SDR42E2: variants seen among roughly 807,000 people sequenced by gnomAD.
SDR42E2 encodes the protein short chain dehydrogenase/reductase family 42E, member 2, also known as putative short-chain dehydrogenase/reductase family 42E member 2.
A neutral mutation model predicts 10.5 loss-of-function variants in SDR42E2; 20 were observed. That is an observed-to-expected ratio of 1.90 (90% CI 1.34 to 2.77). The LOEUF is 2.77. Ranked by LOEUF, SDR42E2 falls within the 30% of genes most tolerant of loss-of-function variation. The pLI, the probability that SDR42E2 is intolerant of heterozygous loss-of-function variation, is 0.00. For missense variants in SDR42E2, 162 were observed against 104.2 expected, an observed-to-expected ratio of 1.55 and a Z score of -2.42; for synonymous variants, 72 against 39.2, an observed-to-expected ratio of 1.84 and a Z score of -3.12.
At chr16:22,175,375 A>G (rs1194513864) in intron 7 of SDR42E2, among the ~76,000 whole-genome samples, 2 of 151,988 alleles carry the variant, frequency 1.3e-5, no homozygotes, top group Non-Finnish European at 2.9e-5. Context: ...TGGGAGGATC[A>G]CCTGAGCCCA....
At chr16:22,189,911 G>A (rs1330483574) in intron 12 of SDR42E2, among the ~76,000 whole-genome samples, 3 of 152,168 alleles carry the variant, frequency 2.0e-5, no homozygotes, top group Admixed American at 6.5e-5. Context: ...GGCTGGAGGG[G>A]GCGACGCAAA....
At chr16:22,189,954 G>T (rs894817679) in intron 12 of SDR42E2, among the ~76,000 whole-genome samples, 185 bp from the exon 13 acceptor site, 1 of 152,202 alleles carries the variant, frequency 6.6e-6, no homozygotes, top group Non-Finnish European at 1.5e-5. Context: ...GAACATGTAA[G>T]GAAGAAAGGA....
rs1270807978 is a variant in SDR42E2, at chr16:22,191,431, A to T, written c.*1038A>T. ...CAGGCTGCCGCGTCGCTATGGGCTA[A>T]CGCAGGCTCGGGTGACGTTGGTATG... On this transcript the variant is annotated 3_prime_UTR_variant, in exon 13 of 13. Coordinates refer to ENST00000602312, the MANE Select transcript of SDR42E2 (RefSeq NM_001394319.2). The T allele has an allele frequency of 6.6e-6, 1 of 152,392 alleles. No homozygotes were observed. The highest frequency in any genetic ancestry group is 1.9e-4 in the East Asian group (1 of 5,196). 9.4% of individuals were successfully genotyped at this position (152,392 alleles called of 1,614,324 possible). A position where few individuals can be genotyped will look rare whatever the true frequency, so the allele number is the denominator to read the frequency against.
intron 10 of SDR42E2, among the ~76,000 whole-genome samples, chr16:22,182,879 C>T (rs1425283345): frequency 1.3e-5 from 2 of 152,038 alleles, no homozygotes; most frequent in African/African-American, 4.8e-5. Flanking sequence ...TGTTGGCACA[C>T]CTGTGGTCCC....
At chr16:22,172,080 C>G (rs369531786) in intron 6 of SDR42E2, among the ~76,000 whole-genome samples, 176 bp from the exon 7 acceptor site, 14 of 152,280 alleles carry the variant, frequency 9.2e-5, no homozygotes, top group African/African-American at 3.4e-4. Context: ...TCCTGTGGCT[C>G]TGGAAGGAGA....
At chr16:22,172,608 C>T (rs2046611136) in intron 7 of SDR42E2, among the ~76,000 whole-genome samples, 1 of 152,194 alleles carries the variant, frequency 6.6e-6, no homozygotes, top group Non-Finnish European at 1.5e-5. Context: ...ACCCAAGTCT[C>T]TCTCTTTTCT....
intron 1 of SDR42E2, among the ~76,000 whole-genome samples, chr16:22,164,028 T>C (rs1015519599): frequency 2.3e-5 from 3 of 132,140 alleles, no homozygotes; most frequent in African/African-American, 8.6e-5. Flanking sequence ...CACCTAGCCC[T>C]GGTCATCCAG....
At chr16:22,170,743 C>T (rs542434520) in intron 5 of SDR42E2, 90 bp from the exon 6 acceptor site, 21 of 690,922 alleles carry the variant, frequency 3.0e-5, no homozygotes, top group East Asian at 1.1e-4. Context: ...CCTCCTCAGC[C>T]GACTCTATGC....
intron 8 of SDR42E2, 64 bp from the exon 9 acceptor site, chr16:22,181,455 A>C (rs1598142447): frequency 5.7e-6 from 4 of 701,694 alleles, no homozygotes; most frequent in Non-Finnish European, 1.0e-5. Flanking sequence ...AGTCATCAGC[A>C]TCTAGACGGA....
In SDR42E2 at chr16:22,190,707, C is replaced by T. The variant is rs2046769051; in HGVS notation, c.*314C>T. On this transcript the variant is annotated 3_prime_UTR_variant, in exon 13 of 13. Transcript: ENST00000602312. The stretch of plus-strand genomic sequence containing the variant: ...CGCCCCCTGAATCCTGGCCACGTCC[C>T]TGGTCGGCCCAGACGCGTAGCCCCG... 2 of 327,972 alleles carry T rather than the reference C, an allele frequency of 6.1e-6. No homozygotes were observed. Among genetic ancestry groups the T allele is most frequent in the East Asian group, 4.7e-5 (1 of 21,324 alleles). The allele number at this position is 327,972 out of a possible 1,614,324, so 20.3% of individuals were successfully genotyped here. A position where few individuals can be genotyped will look rare whatever the true frequency, so the allele number is the denominator to read the frequency against.
chr16:22,175,222 G>A (rs2142069230), intron 7 of SDR42E2, among the ~76,000 whole-genome samples: 1 of 152,184 alleles, frequency 6.6e-6, no homozygotes, highest in African/African-American at 2.4e-5. Context: ...CACTTTGTGA[G>A]GCCAAGACGG....
chr16:22,174,053 C>T (rs2046623590), intron 7 of SDR42E2, among the ~76,000 whole-genome samples: 1 of 151,094 alleles, frequency 6.6e-6, no homozygotes, highest in African/African-American at 2.4e-5. Context: ...ATAATCCTCA[C>T]TGGGTGCGGT....
intron 12 of SDR42E2, 41 bp downstream of exon 12, chr16:22,186,835 A>AGCCC: frequency 2.5e-6 from 1 of 399,562 alleles, no homozygotes; most frequent in African/African-American, 2.1e-5. Context: ...CCTGCTCCCC[A>AGCCC]TCCCTCCCTT....
chr16:22,168,684 C>G (rs1054570394), intron 4 of SDR42E2, among the ~76,000 whole-genome samples: 1 of 151,986 alleles, frequency 6.6e-6, no homozygotes, highest in Non-Finnish European at 1.5e-5. Flanking sequence ...ACCATCCTGA[C>G]CAACATGATG....
At chr16:22,177,456 G>A (rs917194868) in intron 7 of SDR42E2, among the ~76,000 whole-genome samples, 7 of 151,868 alleles carry the variant, frequency 4.6e-5, no homozygotes, top group Admixed American at 2.6e-4. Context: ...GTGAAACCCC[G>A]TCTCTACTAA....
intron 4 of SDR42E2, among the ~76,000 whole-genome samples, chr16:22,168,742 G>A (rs2046567719): frequency 6.6e-6 from 1 of 151,970 alleles, no homozygotes; most frequent in Admixed American, 6.6e-5. Flanking sequence ...GCATGGTGGT[G>A]CATGCCTGTA....
chr16:22,173,929 AGCTT>A (rs2046622629), intron 7 of SDR42E2, among the ~76,000 whole-genome samples: 2 of 146,946 alleles, frequency 1.4e-5, no homozygotes, highest in East Asian at 2.1e-4. Flanking sequence ...ATATATATAT[AGCTT>A]TCTAAAATTC....
chr16:22,188,496 G>A (rs2046750355), intron 12 of SDR42E2, among the ~76,000 whole-genome samples: 1 of 152,176 alleles, frequency 6.6e-6, no homozygotes, highest in African/African-American at 2.4e-5. Context: ...GAGGAAATGA[G>A]ACACACAGTG....
chr16:22,181,516 C>G lies in SDR42E2; in HGVS notation c.673-3C>G, dbSNP rs565872876. 1 of 703,060 alleles carries G rather than the reference C, an allele frequency of 1.4e-6. No homozygotes were observed. Among genetic ancestry groups the G allele is most frequent in the African/African-American group, 1.7e-5 (1 of 57,372 alleles). 43.6% of individuals were successfully genotyped at this position (703,060 alleles called of 1,614,324 possible). A position where few individuals can be genotyped will look rare whatever the true frequency, so the allele number is the denominator to read the frequency against. On this transcript the variant is annotated splice_region_variant and splice_polypyrimidine_tract_variant and intron_variant, in intron 8 of 12. Transcript: ENST00000602312. ...CTGTTTATCACCCACTCCTCTCCAC[C>G]AGGGCCACATCAAGAAGAGGCTGTT...
Sources: allele counts gnomAD v4.1 joint callset (sites outside exome capture counted in the v4.1 genomes callset), GRCh38; gene constraint gnomAD v4.1.1; transcripts MANE v1.5; gene names NCBI Gene and HGNC (gene_info 2026-07-23, HGNC 2026-07-21).